PDE10A: variants seen among roughly 807,000 people sequenced by gnomAD.
The protein encoded by PDE10A is phosphodiesterase 10A, also known as cAMP and cAMP-inhibited cGMP 3',5'-cyclic phosphodiesterase 10A.
A neutral mutation model predicts 97.7 loss-of-function variants in PDE10A; 39 were observed. The observed-to-expected ratio is 0.40, with a 90% CI of 0.31 to 0.52. The LOEUF (loss-of-function observed/expected upper bound fraction) is 0.52, where lower values mean the gene tolerates loss of function less well. PDE10A is among the 20% of genes least tolerant of loss of function. PDE10A has a pLI of 0.56. For synonymous variants in PDE10A, 371 were observed against 376.8 expected, an observed-to-expected ratio of 0.98 and a Z score of 0.18; for missense variants, 731 against 1,047.8, an observed-to-expected ratio of 0.70 and a Z score of 4.17.
At chr6:165,576,276 C>G in intron 1 of PDE10A, 2 of 675,974 alleles carry the variant, frequency 3.0e-6, no homozygotes, top group Non-Finnish European at 2.7e-6. Flanking sequence ...AAGGTGTGAA[C>G]AAAACAAAGT....
At chr6:165,724,135 T>G (rs908548904) in intron 1 of PDE10A, among the ~76,000 whole-genome samples, 1 of 152,222 alleles carries the variant, frequency 6.6e-6, no homozygotes, top group South Asian at 2.1e-4. Context: ...GGGCACACAC[T>G]GGGCATGGTT....
At chr6:165,530,609 ACCC>A (rs66513062) in intron 2 of PDE10A, among the ~76,000 whole-genome samples, 104,804 of 151,548 alleles carry the variant, frequency 0.69, 39,531 homozygotes, top group Non-Finnish European at 0.83. Context: ...CTGCACATGT[ACCC>A]CCCCCACGAA....
chr6:165,373,683 G>T (rs934014456), intron 18 of PDE10A, among the ~76,000 whole-genome samples: 1 of 152,052 alleles, frequency 6.6e-6, no homozygotes, highest in Non-Finnish European at 1.5e-5. Flanking sequence ...CGATTCCTCA[G>T]GGATCTAGAA....
At chr6:165,958,477 AAAG>A (rs1784211374) in intron 1 of PDE10A, among the ~76,000 whole-genome samples, 1 of 135,392 alleles carries the variant, frequency 7.4e-6, no homozygotes, top group African/African-American at 2.6e-5. Flanking sequence ...AGAAAGAAAG[AAAG>A]AGAGAAAGAG....
intron 1 of PDE10A, among the ~76,000 whole-genome samples, chr6:165,697,904 C>A (rs1242061029): frequency 6.6e-6 from 1 of 152,136 alleles, no homozygotes; most frequent in East Asian, 1.9e-4. Context: ...TCAATTGCAA[C>A]TACAGGAGAA....
intron 1 of PDE10A, among the ~76,000 whole-genome samples, chr6:165,837,671 T>C (rs1346272494): frequency 6.8e-5 from 10 of 146,522 alleles, no homozygotes; most frequent in Non-Finnish European, 1.3e-4. Context: ...TTTTTTTTTT[T>C]TTTTTTTTTT....
At chr6:165,695,217 A>G (rs1243344120) in intron 1 of PDE10A, among the ~76,000 whole-genome samples, 5 of 151,988 alleles carry the variant, frequency 3.3e-5, no homozygotes, top group Non-Finnish European at 7.4e-5. Flanking sequence ...ACCAAAAAAA[A>G]AAAAAAGAAA....
At chr6:165,942,846 A>G (rs1221122395) in intron 1 of PDE10A, among the ~76,000 whole-genome samples, 1 of 152,158 alleles carries the variant, frequency 6.6e-6, no homozygotes, top group Non-Finnish European at 1.5e-5. Context: ...CCATTCTGCT[A>G]GAACATTTCT....
intron 1 of PDE10A, among the ~76,000 whole-genome samples, chr6:165,768,231 C>T (rs529018589): frequency 9.9e-5 from 15 of 152,238 alleles, no homozygotes; most frequent in Non-Finnish European, 1.9e-4. Flanking sequence ...TCTCCCATCC[C>T]GTGGGTTGCT....
chr6:165,973,760 G>A (rs1237025879), intron 1 of PDE10A, among the ~76,000 whole-genome samples: 2 of 152,216 alleles, frequency 1.3e-5, no homozygotes, highest in African/African-American at 4.8e-5. Flanking sequence ...GATGTGAAAT[G>A]GCTGGACCGC....
At chr6:165,802,519 G>A (rs1779010093) in intron 1 of PDE10A, among the ~76,000 whole-genome samples, 1 of 152,186 alleles carries the variant, frequency 6.6e-6, no homozygotes, top group Non-Finnish European at 1.5e-5. Flanking sequence ...AATTTGCCTT[G>A]GGAAGAGCTA....
chr6:165,828,031 T>C (rs1779808895), intron 1 of PDE10A, among the ~76,000 whole-genome samples: 1 of 152,120 alleles, frequency 6.6e-6, no homozygotes, highest in South Asian at 2.1e-4. Flanking sequence ...ACAGGAGGGG[T>C]AAATGTCATC....
intron 5 of PDE10A, among the ~76,000 whole-genome samples, chr6:165,441,365 T>C (rs1294686913): frequency 1.3e-5 from 2 of 152,216 alleles, no homozygotes; most frequent in South Asian, 2.1e-4. Flanking sequence ...AGAAATAATT[T>C]TGTTTTTGTA....
At chr6:165,536,162 A>G (rs903475781) in intron 2 of PDE10A, among the ~76,000 whole-genome samples, 6 of 151,982 alleles carry the variant, frequency 3.9e-5, no homozygotes, top group African/African-American at 1.4e-4. Context: ...AAATAAATCC[A>G]TATTTTTTAG....
rs571384292 is a variant in PDE10A, at chr6:165,393,564, G to A, written c.2304-768C>T. ...AAAGTAACCTGTGTTTTTCTCCACT[G>A]AAAATTTTCAAATGTCTTTGAAGTA... On this transcript the variant is annotated intron_variant, in intron 15 of 21. Coordinates refer to ENST00000539869, the MANE Select transcript of PDE10A (RefSeq NM_001385079.1). Among the ~76,000 whole-genome samples the A allele has an allele frequency of 9.9e-5, 15 of 151,894 alleles. No individual in the cohort carries two copies. In the South Asian group the frequency reaches 2.7e-3, roughly 27 times the overall value.
intron 1 of PDE10A, among the ~76,000 whole-genome samples, chr6:165,669,014 C>T (rs59933387): frequency 0.044 from 6,655 of 152,290 alleles, 373 homozygotes; most frequent in East Asian, 0.29. Flanking sequence ...AGCACCGTGG[C>T]TTCTCAAGGA....
chr6:165,895,641 C>T (rs1003810105), intron 1 of PDE10A, among the ~76,000 whole-genome samples: 1 of 152,218 alleles, frequency 6.6e-6, no homozygotes, highest in Non-Finnish European at 1.5e-5. Flanking sequence ...CCTGTCCTGG[C>T]CTTTGCCACA....
chr6:165,744,287 T>A (rs1443057510), intron 1 of PDE10A, among the ~76,000 whole-genome samples: 1 of 152,196 alleles, frequency 6.6e-6, no homozygotes, highest in Non-Finnish European at 1.5e-5. Flanking sequence ...TTCAACTCTA[T>A]AATAAATAAG....
intron 1 of PDE10A, among the ~76,000 whole-genome samples, chr6:165,595,696 C>T (rs956116910): frequency 2.0e-5 from 3 of 152,216 alleles, no homozygotes; most frequent in Admixed American, 6.5e-5. Context: ...TTTCACATTT[C>T]TGAAGGCTGG....
Sources: gnomAD v4.1 joint callset for allele counts (sites outside exome capture counted in the v4.1 genomes callset) on GRCh38, gnomAD v4.1.1 for gene constraint, MANE v1.5 for transcripts, NCBI Gene and HGNC (gene_info 2026-07-23, HGNC 2026-07-21) for gene names.